The following FABP7 variants were observed in gnomAD, a reference collection of about 807,000 sequenced individuals.
FABP7 encodes fatty acid-binding protein, brain.
In FABP7, 13 loss-of-function variants were observed where a neutral mutation model predicts 14.2. The observed-to-expected ratio is 0.91, with a 90% CI of 0.59 to 1.45. The LOEUF is 1.45. Among genes scored for constraint, FABP7 ranks in the 40% most tolerant of loss-of-function variants. The pLI is 0.00. For missense variants in FABP7, 149 were observed against 157.6 expected (o/e 0.95, Z 0.29); for synonymous variants, 49 against 51.4 (o/e 0.95, Z 0.20).
At chr6:122,777,845 A>AAAACAAATAAATAAATAAAT (rs1780701675), upstream of FABP7, among the ~76,000 whole-genome samples, 1 of 143,778 alleles carries the variant, frequency 7.0e-6, no homozygotes, top group South Asian at 2.3e-4. Flanking sequence ...CCTTTCTCCA[A>AAAACAAATAAATAAATAAAT]AAATAAATAA....
upstream of FABP7, among the ~76,000 whole-genome samples, chr6:122,778,756 C>G (rs1780715091): frequency 6.6e-6 from 1 of 152,218 alleles, no homozygotes; most frequent in South Asian, 2.1e-4. Flanking sequence ...TACCGCTCCT[C>G]CAGTTCCTGC....
At chr6:122,769,021 C>A in the FABP7 span, among the ~76,000 whole-genome samples, 1 of 152,120 alleles carries the variant, frequency 6.6e-6, no homozygotes, top group African/African-American at 2.4e-5. Flanking sequence ...TGCCTCCTGT[C>A]TGGTGGTTTC....
chr6:122,774,945 A>C (rs1209690356), upstream of FABP7, among the ~76,000 whole-genome samples: 1 of 152,074 alleles, frequency 6.6e-6, no homozygotes, highest in Non-Finnish European at 1.5e-5. Flanking sequence ...GAATACACTT[A>C]ACCAAAAAAG....
chr6:122,751,113 C>G, the FABP7 span, among the ~76,000 whole-genome samples: 1 of 152,070 alleles, frequency 6.6e-6, no homozygotes, highest in African/African-American at 2.4e-5. Flanking sequence ...TTTGAGTTCT[C>G]TAGTCTAGAA....
the FABP7 span, among the ~76,000 whole-genome samples, chr6:122,750,130 T>C: frequency 6.6e-6 from 1 of 152,166 alleles, no homozygotes; most frequent in Admixed American, 6.5e-5. Context: ...CAATTTTAAA[T>C]TTTTATGTTT....
At chr6:122,759,549 C>T in the FABP7 span, among the ~76,000 whole-genome samples, 1 of 152,154 alleles carries the variant, frequency 6.6e-6, no homozygotes, top group Admixed American at 6.6e-5. Flanking sequence ...TGAGTACTTG[C>T]TGTGACATTC....
At chr6:122,778,805 T>C (rs1780715769), upstream of FABP7, among the ~76,000 whole-genome samples, 1 of 152,174 alleles carries the variant, frequency 6.6e-6, no homozygotes, top group Admixed American at 6.5e-5. Flanking sequence ...GTACACAGAT[T>C]GTATTTGTGT....
At chr6:122,750,070 C>T in the FABP7 span, among the ~76,000 whole-genome samples, 3 of 151,856 alleles carry the variant, frequency 2.0e-5, no homozygotes, top group East Asian at 5.8e-4. Context: ...TTAACATACA[C>T]AATAAGATTT....
intron 3 of FABP7, chr6:122,781,738 C>A (rs1461388467): frequency 2.7e-6 from 2 of 745,162 alleles, no homozygotes; most frequent in African/African-American, 2.1e-5. Context: ...TCAGTGATAA[C>A]CCTTTTTTTT....
the FABP7 span, among the ~76,000 whole-genome samples, chr6:122,768,596 C>T: frequency 3.5e-4 from 53 of 151,962 alleles, no homozygotes; most frequent in African/African-American, 6.8e-4. Context: ...GGCTTTGTTT[C>T]GAAAGGAGGA....
At chr6:122,777,581 A>T (rs1241371032), upstream of FABP7, among the ~76,000 whole-genome samples, 1 of 152,186 alleles carries the variant, frequency 6.6e-6, no homozygotes, top group African/African-American at 2.4e-5. Context: ...ATCTAAGGTA[A>T]TGCAAGGCAA....
chr6:122,783,118 T>C, intron 3 of FABP7: 1 of 985,414 alleles, frequency 1.0e-6, no homozygotes, highest in Non-Finnish European at 1.2e-6. Flanking sequence ...GTAAAGTGGT[T>C]TTATAATAAC....
At chr6:122,782,065 A>C in intron 3 of FABP7, 1 of 985,402 alleles carries the variant, frequency 1.0e-6, no homozygotes. Flanking sequence ...AAAGAGAACC[A>C]TTTTGATGTT....
At chr6:122,771,150 G>C in the FABP7 span, among the ~76,000 whole-genome samples, 3 of 152,166 alleles carry the variant, frequency 2.0e-5, no homozygotes, top group Non-Finnish European at 4.4e-5. Flanking sequence ...TGGCAAAGCA[G>C]GTTCCTGATT....
At chr6:122,776,875 C>T (rs1349897287), upstream of FABP7, among the ~76,000 whole-genome samples, 1 of 152,136 alleles carries the variant, frequency 6.6e-6, no homozygotes, top group East Asian at 1.9e-4. Flanking sequence ...ATCTGTATGG[C>T]AACATGTATT....
chr6:122,779,486 T>G (rs74968780), upstream of FABP7: 316 of 329,750 alleles, frequency 9.6e-4, 1 homozygote, highest in African/African-American at 5.9e-3. Flanking sequence ...TTCTCAGGCA[T>G]AAGGGCTGTA....
chr6:122,778,437 G>A (rs565279019), upstream of FABP7, among the ~76,000 whole-genome samples: 89 of 152,158 alleles, frequency 5.8e-4, no homozygotes, highest in Non-Finnish European at 1.1e-3. Context: ...CCTAGCGTAG[G>A]AGGCCTTCTG....
At chr6:122,782,943 C>T in intron 3 of FABP7, 3 of 985,202 alleles carry the variant, frequency 3.0e-6, no homozygotes, top group Non-Finnish European at 3.6e-6. Flanking sequence ...CATTTTTTCC[C>T]AGAACACAGA....
chr6:122,761,728 AAG>A, the FABP7 span, among the ~76,000 whole-genome samples: 1 of 152,192 alleles, frequency 6.6e-6, no homozygotes. Context: ...ATGTTACCCA[AAG>A]AAGTATCAAA....
Sources: allele counts gnomAD v4.1 joint callset (sites outside exome capture counted in the v4.1 genomes callset), GRCh38; gene constraint gnomAD v4.1.1; transcripts MANE v1.5; gene names NCBI Gene and HGNC (gene_info 2026-07-23, HGNC 2026-07-21).